RAB3B: variants seen among roughly 807,000 people sequenced by gnomAD.
RAB3B encodes ras-related protein Rab-3B.
In RAB3B, 11 loss-of-function variants were observed where a neutral mutation model predicts 20.5. The observed-to-expected ratio is 0.54, with a 90% CI of 0.34 to 0.89. RAB3B has a LOEUF of 0.89. RAB3B is among the 40% of genes least tolerant of loss of function. The probability of loss-of-function intolerance (pLI) is 0.02; values close to 1 mark genes in which losing one functional copy is unlikely to be tolerated. For missense variants in RAB3B, 225 were observed against 280.9 expected, an observed-to-expected ratio of 0.80 and a Z score of 1.42; for synonymous variants, 99 against 106.3, an observed-to-expected ratio of 0.93 and a Z score of 0.42.
rs1193977812 is a variant in RAB3B, at chr1:51,912,555, ATATATATAT to A, written c.*7363_*7371del. 30 of 20,044 alleles carry A rather than the reference ATATATATAT, an allele frequency of 1.5e-3. 10 individuals are homozygous for A. Among genetic ancestry groups the A allele is most frequent in the East Asian group, 7.1e-3 (4 of 566 alleles). The allele number at this position is 20,044 out of a possible 1,614,324, so 1.2% of individuals were successfully genotyped here. A position where few individuals can be genotyped will look rare whatever the true frequency, so the allele number is the denominator to read the frequency against. Reference sequence around the variant, plus strand: ...GACCGTCTCTATTAAAAAAAAAAAAATATATATATATATATATATATATATATATATATA... The same window carrying A: ...GACCGTCTCTATTAAAAAAAAAAAAAATATATATATATATATATATATATA... On this transcript the variant is annotated 3_prime_UTR_variant, in exon 5 of 5. Coordinates refer to ENST00000371655, the MANE Select transcript of RAB3B (RefSeq NM_002867.4).
At chr1:51,945,813 T>C (rs1480340377) in intron 2 of RAB3B, among the ~76,000 whole-genome samples, 1 of 152,188 alleles carries the variant, frequency 6.6e-6, no homozygotes, top group African/African-American at 2.4e-5. Context: ...CATGACCTGT[T>C]AGAAAGAGAA....
At chr1:51,983,704 A>C (rs1362315232) in intron 1 of RAB3B, among the ~76,000 whole-genome samples, 1 of 152,070 alleles carries the variant, frequency 6.6e-6, no homozygotes. Context: ...TCAGGCCCAT[A>C]ATCCCAGGAC....
chr1:51,987,413 G>C (rs1438876733), intron 1 of RAB3B, among the ~76,000 whole-genome samples: 2 of 152,124 alleles, frequency 1.3e-5, no homozygotes, highest in Non-Finnish European at 2.9e-5. Context: ...TCATAAAATG[G>C]CTTCCTGGCA....
At chr1:51,977,796 C>T (rs1685029813) in intron 1 of RAB3B, among the ~76,000 whole-genome samples, 1 of 152,088 alleles carries the variant, frequency 6.6e-6, no homozygotes, top group Non-Finnish European at 1.5e-5. Context: ...AGCAAGACCT[C>T]ATCTCTAAAA....
intron 1 of RAB3B, among the ~76,000 whole-genome samples, chr1:51,986,094 G>T (rs1685147240): frequency 6.6e-6 from 1 of 151,930 alleles, no homozygotes; most frequent in Non-Finnish European, 1.5e-5. Flanking sequence ...ATCACTTGAG[G>T]CCAGGAGTTC....
chr1:51,969,269 C>G (rs1213957101), intron 2 of RAB3B, among the ~76,000 whole-genome samples: 2 of 152,108 alleles, frequency 1.3e-5, no homozygotes, highest in East Asian at 3.9e-4. Context: ...TGCACTCCAG[C>G]CTCGGACACC....
chr1:51,972,843 A>T (rs1213776461), intron 2 of RAB3B, among the ~76,000 whole-genome samples: 2 of 152,198 alleles, frequency 1.3e-5, no homozygotes, highest in African/African-American at 2.4e-5. Flanking sequence ...AGAATAATAC[A>T]CTTAGTTCAG....
chr1:51,929,895 C>T (rs1010646059), intron 4 of RAB3B, among the ~76,000 whole-genome samples: 3 of 152,130 alleles, frequency 2.0e-5, no homozygotes, highest in East Asian at 1.9e-4. Flanking sequence ...CTTGGCTCAG[C>T]GTGCTCAATA....
intron 4 of RAB3B, among the ~76,000 whole-genome samples, chr1:51,923,188 G>A (rs140113702): frequency 2.0e-5 from 3 of 152,252 alleles, no homozygotes; most frequent in African/African-American, 7.2e-5. Context: ...GCAAGGCAAG[G>A]GTTAGCACTT....
intron 1 of RAB3B, among the ~76,000 whole-genome samples, chr1:51,983,987 G>A (rs1232166696): frequency 1.3e-5 from 2 of 151,814 alleles, no homozygotes; most frequent in South Asian, 2.1e-4. Flanking sequence ...AGTAAGGGCT[G>A]GGCGCGGTGG....
chr1:51,986,075 A>C (rs1685146885), intron 1 of RAB3B, among the ~76,000 whole-genome samples: 1 of 152,080 alleles, frequency 6.6e-6, no homozygotes, highest in South Asian at 2.1e-4. Flanking sequence ...GGGATGCCAA[A>C]ATGGGAAAAT....
At chr1:51,923,871 A>T (rs1303787529) in intron 4 of RAB3B, among the ~76,000 whole-genome samples, 1 of 152,204 alleles carries the variant, frequency 6.6e-6, no homozygotes, top group Non-Finnish European at 1.5e-5. Flanking sequence ...CAAATAAATT[A>T]CATTAAAAAT....
chr1:51,981,263 A>G (rs1211553833), intron 1 of RAB3B, among the ~76,000 whole-genome samples: 1 of 152,186 alleles, frequency 6.6e-6, no homozygotes, highest in Non-Finnish European at 1.5e-5. Context: ...ACCGGGATCA[A>G]GTGATCTGCC....
intron 4 of RAB3B, among the ~76,000 whole-genome samples, chr1:51,930,983 C>G (rs537599971): frequency 3.6e-4 from 54 of 152,070 alleles, no homozygotes; most frequent in African/African-American, 1.2e-3. Context: ...CCCCACTGCA[C>G]TCCAGCCTGG....
chr1:51,926,354 C>T (rs1485991319), intron 4 of RAB3B, among the ~76,000 whole-genome samples: 2 of 152,170 alleles, frequency 1.3e-5, no homozygotes, highest in Non-Finnish European at 2.9e-5. Context: ...TCCACATTAC[C>T]ACTAGCTTGC....
In RAB3B at chr1:51,911,510, C is replaced by T. The variant is rs1287542729; in HGVS notation, c.*8417G>A. 4 of 152,044 alleles carry T rather than the reference C, an allele frequency of 2.6e-5. No homozygotes were observed. The highest frequency in any genetic ancestry group is 5.9e-5 in the Non-Finnish European group (4 of 68,040). 9.4% of individuals were successfully genotyped at this position (152,044 alleles called of 1,614,324 possible). ...ATTTTTGGTTGCAAGGGATAAGAAC[C>T]TAACTCCAACAAGCAAAGCAAAGGG... On this transcript the variant is annotated 3_prime_UTR_variant, in exon 5 of 5. Transcript: ENST00000371655.
chr1:51,949,825 T>G lies in RAB3B; in HGVS notation c.229-12413A>C, dbSNP rs1022058487. Among the ~76,000 whole-genome samples, 3 of 152,188 alleles carry G rather than the reference T, an allele frequency of 2.0e-5. No individual in the cohort carries two copies. In the East Asian group the frequency reaches 5.8e-4, roughly 29 times the overall value. On this transcript the variant is annotated intron_variant, in intron 2 of 4. Transcript: ENST00000371655. ...CTTCTGTCGCACGGGGTGGCTGCCT[T>G]CCACCAGTGGAGGGCAGGGGGCCAC...
intron 1 of RAB3B, among the ~76,000 whole-genome samples, chr1:51,982,627 C>T (rs948760636): frequency 6.6e-6 from 1 of 151,896 alleles, no homozygotes; most frequent in East Asian, 1.9e-4. Flanking sequence ...GTGGTGCGCA[C>T]CTGTAATCCC....
chr1:51,990,547 C>T lies in RAB3B; in HGVS notation c.-1+5G>A, dbSNP rs1364753380. 1.3e-5 allele frequency: 2 copies of T among 151,888 alleles called. No homozygotes were observed. The highest frequency in any genetic ancestry group is 1.3e-4 in the Admixed American group (2 of 15,282). 9.4% of individuals were successfully genotyped at this position (151,888 alleles called of 1,614,324 possible). The stretch of plus-strand genomic sequence containing the variant: ...CGGGCGGGCTGCCGGGGCCGCGCCC[C>T]TTACCGCGGACTCCGAGTGCGGGAC... On this transcript the variant is annotated splice_donor_5th_base_variant and intron_variant, in intron 1 of 4. Transcript: ENST00000371655.
Sources: gnomAD v4.1 joint callset for allele counts (sites outside exome capture counted in the v4.1 genomes callset) on GRCh38, gnomAD v4.1.1 for gene constraint, MANE v1.5 for transcripts, NCBI Gene and HGNC (gene_info 2026-07-23, HGNC 2026-07-21) for gene names.